Variants in JARID2 observed in about 807,000 individuals in gnomAD.
JARID2 encodes protein Jumonji.
In JARID2, 21 loss-of-function variants were observed where a neutral mutation model predicts 125.6. That is an observed-to-expected ratio of 0.17 (90% CI 0.12 to 0.24). The LOEUF is 0.24. Among genes scored for constraint, JARID2 ranks in the 10% least tolerant of loss-of-function variants. The probability of loss-of-function intolerance (pLI) is 1.00; values close to 1 mark genes in which losing one functional copy is unlikely to be tolerated. For missense variants in JARID2, 1,303 were observed against 1,639.6 expected, an observed-to-expected ratio of 0.79 and a Z score of 3.55; for synonymous variants, 736 against 661.6, an observed-to-expected ratio of 1.11 and a Z score of -1.73.
intron 1 of JARID2, among the ~76,000 whole-genome samples, chr6:15,250,745 C>T (rs1293155414): frequency 2.6e-5 from 4 of 152,154 alleles, no homozygotes; most frequent in Non-Finnish European, 1.5e-5. Flanking sequence ...CCTGTTTCCT[C>T]ATAGTGGGTT....
intron 4 of JARID2, among the ~76,000 whole-genome samples, chr6:15,460,500 A>C (rs1768391271): frequency 6.6e-6 from 1 of 152,188 alleles, no homozygotes; most frequent in Admixed American, 6.5e-5. Flanking sequence ...TAAGTATGGC[A>C]GTGCTGTTTT....
At chr6:15,428,905 C>CA (rs1386961339) in intron 3 of JARID2, among the ~76,000 whole-genome samples, 3 of 69,096 alleles carry the variant, frequency 4.3e-5, no homozygotes, top group Admixed American at 2.0e-4. Context: ...GACTCTGTCT[C>CA]AAAAAAACAA....
intron 1 of JARID2, among the ~76,000 whole-genome samples, chr6:15,249,197 A>C (rs545791210): frequency 4.8e-4 from 73 of 152,322 alleles, no homozygotes; most frequent in African/African-American, 1.5e-3. Flanking sequence ...TTGTTGGAGG[A>C]CCGCGTTGTG....
intron 5 of JARID2, among the ~76,000 whole-genome samples, chr6:15,473,524 CCCCCCCG>C (rs1769188319): frequency 1.5e-5 from 1 of 67,612 alleles, no homozygotes; most frequent in Non-Finnish European, 4.6e-5. Context: ...GCCCCCCCCC[CCCCCCCG>C]CTTTGTGTCC....
At chr6:15,479,293 A>G (rs1769499960) in intron 5 of JARID2, among the ~76,000 whole-genome samples, 4 of 152,238 alleles carry the variant, frequency 2.6e-5, no homozygotes, top group Admixed American at 2.6e-4. Context: ...TTCAATGACA[A>G]AAACCATTCA....
At position 15,497,717 on chromosome 6, in the gene JARID2, C is replaced by CT. The variant is rs549357429; in HGVS notation, c.1945+549dup. On this transcript the variant is annotated intron_variant, in intron 7 of 17. Transcript: ENST00000341776. ...CCCCACTCTGGGTCTGGGCCCCTTG[C>CT]TTCCCCTGGGCTGTCACCTCCTACC... 2.6e-4 allele frequency among the ~76,000 whole-genome samples: 39 copies of CT among 151,970 alleles called. No individual in the cohort carries two copies. In the East Asian group the frequency reaches 7.2e-3, roughly 28 times the overall value.
At chr6:15,353,612 CTG>C (rs144787333) in intron 1 of JARID2, among the ~76,000 whole-genome samples, 3,053 of 152,244 alleles carry the variant, frequency 0.02, 65 homozygotes, top group Middle Eastern at 0.044. Flanking sequence ...AGTTAGGAGC[CTG>C]TCACATTAGA....
intron 1 of JARID2, among the ~76,000 whole-genome samples, chr6:15,284,641 C>G (rs1251887646): frequency 6.6e-6 from 1 of 151,820 alleles, no homozygotes; most frequent in Non-Finnish European, 1.5e-5. Flanking sequence ...CGCCTGCCAA[C>G]ACGCTTGGCT....
chr6:15,307,387 T>C (rs930655098), intron 1 of JARID2, among the ~76,000 whole-genome samples: 7 of 152,094 alleles, frequency 4.6e-5, no homozygotes, highest in Non-Finnish European at 1.0e-4. Context: ...CATTTTCGGC[T>C]AAGTTTTGTA....
intron 3 of JARID2, among the ~76,000 whole-genome samples, chr6:15,431,541 C>T (rs1309794779): frequency 1.3e-5 from 2 of 152,218 alleles, no homozygotes; most frequent in Non-Finnish European, 2.9e-5. Flanking sequence ...ACTGCCTCCA[C>T]TACTTTTAGT....
At chr6:15,414,573 T>C (rs1453665951) in intron 3 of JARID2, among the ~76,000 whole-genome samples, 1 of 152,094 alleles carries the variant, frequency 6.6e-6, no homozygotes, top group East Asian at 1.9e-4. Context: ...CATTGAAAGG[T>C]CATCTGAGAT....
intron 1 of JARID2, among the ~76,000 whole-genome samples, chr6:15,255,324 C>T (rs1007935724): frequency 2.6e-5 from 4 of 152,008 alleles, no homozygotes; most frequent in Admixed American, 2.6e-4. Flanking sequence ...AGGATGGTCT[C>T]TATCTCTTGA....
At chr6:15,446,599 T>G (rs1767679798) in intron 3 of JARID2, among the ~76,000 whole-genome samples, 1 of 152,244 alleles carries the variant, frequency 6.6e-6, no homozygotes, top group South Asian at 2.1e-4. Flanking sequence ...TTAGGCCATT[T>G]GTTGCCACAT....
In JARID2 at chr6:15,511,309, G is replaced by A; in HGVS notation, c.2860G>A (p.Ala954Thr). 6.2e-7 allele frequency: 1 copy of A among 1,613,300 alleles called. No individual in the cohort carries two copies. The highest frequency in any genetic ancestry group is 8.5e-7 in the Non-Finnish European group (1 of 1,179,314). Residue 954 changes from alanine (A) to threonine (T), a missense_variant, in exon 13 of 18, where the codon GCT becomes ACT. Transcript: ENST00000341776. ...TCAATGACCCAGGTATTGCATTCCT[G>A]CTGAGGAGGAGAACAAGCTGGAAGA... is the stretch of plus-strand genomic sequence containing the variant. The part of the protein sequence containing the change: ...GADCIWYCIP[A>T]EEENKLEDVV...
intron 2 of JARID2, among the ~76,000 whole-genome samples, chr6:15,400,678 TG>T (rs1198965449): frequency 2.0e-5 from 3 of 151,852 alleles, no homozygotes; most frequent in Admixed American, 2.0e-4. Context: ...TTTATCAGGG[TG>T]GGGGGAGCCA....
intron 5 of JARID2, among the ~76,000 whole-genome samples, chr6:15,487,045 A>G (rs1161714838): frequency 2.0e-5 from 3 of 152,118 alleles, no homozygotes; most frequent in African/African-American, 7.2e-5. Flanking sequence ...CACTTCTTAT[A>G]TGGCAGCAGG....
chr6:15,362,625 T>C (rs1001320231), intron 1 of JARID2, among the ~76,000 whole-genome samples: 1 of 152,164 alleles, frequency 6.6e-6, no homozygotes, highest in African/African-American at 2.4e-5. Flanking sequence ...TAGGTCTTTA[T>C]GGGCTCTGCA....
intron 1 of JARID2, among the ~76,000 whole-genome samples, chr6:15,257,698 G>C (rs1759717469): frequency 6.6e-6 from 1 of 152,192 alleles, no homozygotes; most frequent in Non-Finnish European, 1.5e-5. Flanking sequence ...CTTGGAGAGA[G>C]GCTATACTAA....
intron 4 of JARID2, among the ~76,000 whole-genome samples, chr6:15,456,301 T>A (rs1041706089): frequency 1.3e-5 from 2 of 152,212 alleles, no homozygotes; most frequent in African/African-American, 4.8e-5. Flanking sequence ...CTTTGAAGTT[T>A]CAGGATTCCA....
Sources: allele counts gnomAD v4.1 joint callset (sites outside exome capture counted in the v4.1 genomes callset), GRCh38; gene constraint gnomAD v4.1.1; transcripts MANE v1.5; gene names NCBI Gene and HGNC (gene_info 2026-07-23, HGNC 2026-07-21).